LEPR: variants seen among roughly 807,000 people sequenced by gnomAD.
LEPR encodes the protein leptin receptor.
Under a neutral mutation model 114.7 loss-of-function variants are expected in LEPR, and 56 were observed. The observed-to-expected ratio is 0.49, with a 90% CI of 0.39 to 0.61. LEPR has a LOEUF of 0.61. Ranked by LOEUF, LEPR falls within the 20% of genes least tolerant of loss-of-function variation. LEPR has a pLI of 0.00. For missense variants in LEPR, 1,202 were observed against 1,352.9 expected (o/e 0.89, Z 1.75); for synonymous variants, 443 against 461.4 (o/e 0.96, Z 0.51).
At chr1:65,421,281 G>A in intron 1 of LEPR, 2 of 1,485,320 alleles carry the variant, frequency 1.3e-6, no homozygotes, top group Non-Finnish European at 1.8e-6. Flanking sequence ...TAGATTACGT[G>A]TAATTTTAAT....
At chr1:65,578,689 G>A (rs532723941) in intron 5 of LEPR, among the ~76,000 whole-genome samples, 1 of 152,176 alleles carries the variant, frequency 6.6e-6, no homozygotes, top group East Asian at 1.9e-4. Context: ...TGAATATTGT[G>A]GAAGCTAAAT....
At position 65,622,915 on chromosome 1, in the gene LEPR, G is replaced by A. The variant is rs1430867450; in HGVS notation, c.2607G>A (p.Lys869=). 2 of 1,613,948 alleles carry A rather than the reference G, an allele frequency of 1.2e-6. No individual in the cohort carries two copies. The highest frequency in any genetic ancestry group is 1.7e-6 in the Non-Finnish European group (2 of 1,179,938). Reference sequence around the variant, plus strand: ...TGTTTATCCTTTGTAGAATGAAAAAGCTATTTTGGGAAGATGTTCCGAACC... The same window carrying A: ...TGTTTATCCTTTGTAGAATGAAAAAACTATTTTGGGAAGATGTTCCGAACC... ...TLLISHQRMK[K]LFWEDVPNPK... is the part of the protein sequence containing the mutation. The change falls in exon 19 of 20, where the codon AAG becomes AAA. Residue 869 remains lysine, a synonymous_variant. Transcript: ENST00000349533.
intron 2 of LEPR, among the ~76,000 whole-genome samples, chr1:65,542,458 A>T (rs928918097): frequency 6.6e-6 from 1 of 151,004 alleles, no homozygotes; most frequent in African/African-American, 2.4e-5. Flanking sequence ...CATTGTGCCT[A>T]TTCTTTTTTT....
At chr1:65,596,668 C>T (rs995739460) in intron 7 of LEPR, 75 bp downstream of exon 7, 30 of 1,275,040 alleles carry the variant, frequency 2.4e-5, no homozygotes, top group Non-Finnish European at 3.0e-5. Flanking sequence ...TAGCAATTAC[C>T]CTCTGCATAC....
In LEPR at chr1:65,531,896, A is replaced by AACCAATAG. The variant is rs540610649; in HGVS notation, c.-20-33647_-20-33640dup. ...TATACGAAGTTTCTTTAGAGCGTAAAACCAATAGACAAATTACGGGCTAGC... is the reference window on the plus strand; with the variant it reads ...TATACGAAGTTTCTTTAGAGCGTAAAACCAATAGACCAATAGACAAATTACGGGCTAGC... On this transcript the variant is annotated intron_variant, in intron 2 of 19. Coordinates refer to ENST00000349533, the MANE Select transcript of LEPR (RefSeq NM_002303.6). Among the ~76,000 whole-genome samples the AACCAATAG allele has an allele frequency of 1.1e-3, 174 of 152,198 alleles. 1 individual carries two copies. Among genetic ancestry groups the AACCAATAG allele is most frequent in the African/African-American group, 4.0e-3 (167 of 41,536 alleles).
At chr1:65,591,229 G>A (rs1453947565) in intron 5 of LEPR, among the ~76,000 whole-genome samples, 1 of 152,000 alleles carries the variant, frequency 6.6e-6, no homozygotes, top group African/African-American at 2.4e-5. Context: ...ATTGAGACTT[G>A]TTTTATGGAC....
In LEPR at chr1:65,570,679, T is replaced by C. The variant is rs759227810; in HGVS notation, c.247T>C (p.Ser83Pro). Reference sequence around the variant, plus strand: ...AAGTGGTACTCACTTTTCTAACTTATCCAAAACAACTTTCCACTGTTGCTT... The same window carrying C: ...AAGTGGTACTCACTTTTCTAACTTACCCAAAACAACTTTCCACTGTTGCTT... ...NSSGTHFSNL[S>P]KTTFHCCFRS... Residue 83 changes from serine (S) to proline (P), a missense_variant, in exon 4 of 20, where the codon TCC becomes CCC. By Grantham distance (74) the Ser-to-Pro change is moderately conservative. Transcript: ENST00000349533. 29 of 1,613,922 alleles carry C rather than the reference T, an allele frequency of 1.8e-5. No homozygotes were observed. In the South Asian group the frequency reaches 2.7e-4, roughly 15 times the overall value.
intron 7 of LEPR, 88 bp from the exon 8 acceptor site, chr1:65,598,572 G>A: frequency 3.8e-6 from 6 of 1,560,612 alleles, no homozygotes; most frequent in Non-Finnish European, 3.5e-6. Flanking sequence ...TTAATTCTTT[G>A]AAATTTGATG....
chr1:65,584,406 T>A (rs1655186946), intron 5 of LEPR, among the ~76,000 whole-genome samples: 1 of 152,138 alleles, frequency 6.6e-6, no homozygotes, highest in Admixed American at 6.6e-5. Context: ...CAAATCTATA[T>A]ATCTATATAT....
intron 2 of LEPR, among the ~76,000 whole-genome samples, chr1:65,490,535 T>C (rs1647809225): frequency 6.6e-6 from 1 of 152,078 alleles, no homozygotes; most frequent in African/African-American, 2.4e-5. Flanking sequence ...TAATTCACTG[T>C]GGGTTTTCTG....
intron 5 of LEPR, among the ~76,000 whole-genome samples, chr1:65,585,362 A>G (rs1402965888): frequency 6.6e-6 from 1 of 152,124 alleles, no homozygotes; most frequent in African/African-American, 2.4e-5. Flanking sequence ...AATTTAGCAT[A>G]GAATTTGCTT....
chr1:65,557,249 T>G (rs1008262509), intron 2 of LEPR, among the ~76,000 whole-genome samples: 1 of 152,178 alleles, frequency 6.6e-6, no homozygotes, highest in East Asian at 1.9e-4. Context: ...CTACTCAGAA[T>G]TTATAATTGA....
intron 2 of LEPR, among the ~76,000 whole-genome samples, chr1:65,553,953 A>T (rs1652619719): frequency 6.6e-6 from 1 of 152,178 alleles, no homozygotes; most frequent in Non-Finnish European, 1.5e-5. Flanking sequence ...TCCTTCTACC[A>T]GTCAGGCCCT....
intron 2 of LEPR, among the ~76,000 whole-genome samples, chr1:65,460,757 G>A (rs140985877): frequency 4.3e-4 from 65 of 151,930 alleles, no homozygotes; most frequent in African/African-American, 1.5e-3. Context: ...CAGGAGAATC[G>A]CTTTCACCCG....
At chr1:65,527,064 A>G (rs1650023073) in intron 2 of LEPR, among the ~76,000 whole-genome samples, 1 of 152,220 alleles carries the variant, frequency 6.6e-6, no homozygotes, top group Admixed American at 6.5e-5. Flanking sequence ...ACACTGCAAC[A>G]AAAATACATG....
At chr1:65,631,306 A>T (rs1658509718) in intron 19 of LEPR, among the ~76,000 whole-genome samples, 1 of 152,120 alleles carries the variant, frequency 6.6e-6, no homozygotes, top group Non-Finnish European at 1.5e-5. Context: ...AACTTCCATT[A>T]GGCCCCAGTT....
intron 10 of LEPR, 112 bp from the exon 11 acceptor site, chr1:65,604,925 TG>T: frequency 1.5e-6 from 2 of 1,325,696 alleles, no homozygotes; most frequent in Non-Finnish European, 1.0e-6. Context: ...AACCGGTCCC[TG>T]GTGCCAAAAA....
chr1:65,509,221 C>T (rs941379095), intron 2 of LEPR, among the ~76,000 whole-genome samples: 1 of 152,092 alleles, frequency 6.6e-6, no homozygotes, highest in African/African-American at 2.4e-5. Context: ...ACTTCCCGTA[C>T]TATGTTGCAT....
At chr1:65,549,897 T>G (rs989798972) in intron 2 of LEPR, among the ~76,000 whole-genome samples, 4 of 152,156 alleles carry the variant, frequency 2.6e-5, no homozygotes, top group African/African-American at 9.7e-5. Context: ...CTCTGCTTTT[T>G]AGAGTTTCCA....
Sources: gnomAD v4.1 joint callset for allele counts (sites outside exome capture counted in the v4.1 genomes callset) on GRCh38, gnomAD v4.1.1 for gene constraint, MANE v1.5 for transcripts, NCBI Gene and HGNC (gene_info 2026-07-23, HGNC 2026-07-21) for gene names.